Variants in CXCL13 observed in about 807,000 individuals in gnomAD.
The protein encoded by CXCL13 is C-X-C motif chemokine ligand 13.
A neutral mutation model predicts 12.2 loss-of-function variants in CXCL13; 7 were observed. That is an observed-to-expected ratio of 0.57 (90% CI 0.33 to 1.07). The LOEUF (loss-of-function observed/expected upper bound fraction) is 1.07, where lower values mean the gene tolerates loss of function less well. CXCL13 is among the 50% of genes least tolerant of loss of function. CXCL13 has a pLI of 0.04. For synonymous variants in CXCL13, 47 were observed against 42.4 expected, an observed-to-expected ratio of 1.11 and a Z score of -0.42; for missense variants, 113 against 127.4, an observed-to-expected ratio of 0.89 and a Z score of 0.55.
intron 1 of CXCL13, among the ~76,000 whole-genome samples, chr4:77,563,896 CGTT>C (rs1254880526): frequency 6.6e-6 from 1 of 152,070 alleles, no homozygotes; most frequent in Non-Finnish European, 1.5e-5. Flanking sequence ...AGGGAAAACT[CGTT>C]GTGTAAATGA....
At chr4:77,531,694 G>A (rs1724922773) in intron 1 of CXCL13, among the ~76,000 whole-genome samples, 1 of 152,062 alleles carries the variant, frequency 6.6e-6, no homozygotes, top group Non-Finnish European at 1.5e-5. Flanking sequence ...TCTCTTTCTA[G>A]GTCTCTAAGG....
At chr4:77,597,069 G>T (rs1726785000) in intron 1 of CXCL13, among the ~76,000 whole-genome samples, 1 of 152,098 alleles carries the variant, frequency 6.6e-6, no homozygotes, top group Non-Finnish European at 1.5e-5. Context: ...ACATAAAGAA[G>T]CATATTGCAT....
intron 1 of CXCL13, among the ~76,000 whole-genome samples, chr4:77,514,895 G>C (rs916287377): frequency 3.3e-5 from 5 of 152,172 alleles, no homozygotes; most frequent in African/African-American, 1.2e-4. Flanking sequence ...CCTATGTCCT[G>C]AATGGTAATG....
intron 1 of CXCL13, among the ~76,000 whole-genome samples, chr4:77,564,375 A>G (rs1021271579): frequency 3.3e-5 from 5 of 152,226 alleles, no homozygotes; most frequent in African/African-American, 1.2e-4. Flanking sequence ...TGGCTAAGAC[A>G]GCAAGTTTGA....
chr4:77,557,863 G>C (rs1342382521), intron 1 of CXCL13, among the ~76,000 whole-genome samples: 1 of 152,192 alleles, frequency 6.6e-6, no homozygotes, highest in Non-Finnish European at 1.5e-5. Context: ...ACTCACCCTG[G>C]TATGTGTACT....
At chr4:77,604,939 C>CT (rs539676373), upstream of CXCL13, among the ~76,000 whole-genome samples, 9 of 151,584 alleles carry the variant, frequency 5.9e-5, no homozygotes, top group African/African-American at 1.2e-4. Context: ...AGTCTACATA[C>CT]TTTTTTTTTA....
At chr4:77,552,720 G>T in intron 1 of CXCL13, among the ~76,000 whole-genome samples, 1 of 152,220 alleles carries the variant, frequency 6.6e-6, no homozygotes, top group East Asian at 1.9e-4. Context: ...CATGAAGCTG[G>T]GAAGCCTCCT....
intron 1 of CXCL13, among the ~76,000 whole-genome samples, chr4:77,571,108 G>A (rs1326364393): frequency 6.6e-6 from 1 of 152,018 alleles, no homozygotes; most frequent in African/African-American, 2.4e-5. Flanking sequence ...GATCCACTGG[G>A]TGAAGCCAGC....
At chr4:77,530,204 C>T (rs564216012) in intron 1 of CXCL13, among the ~76,000 whole-genome samples, 2 of 152,220 alleles carry the variant, frequency 1.3e-5, no homozygotes, top group African/African-American at 4.8e-5. Flanking sequence ...ATTTTTGCAT[C>T]GATGTTCATC....
chr4:77,590,968 C>T (rs1158488726), intron 1 of CXCL13, among the ~76,000 whole-genome samples: 2 of 152,136 alleles, frequency 1.3e-5, no homozygotes, highest in Non-Finnish European at 2.9e-5. Context: ...CAAGGTCTGC[C>T]TCCTGGGTTC....
intron 1 of CXCL13, among the ~76,000 whole-genome samples, chr4:77,519,176 G>A (rs988957848): frequency 6.6e-6 from 1 of 152,170 alleles, no homozygotes; most frequent in Non-Finnish European, 1.5e-5. Flanking sequence ...GGAGTACCTG[G>A]CCATGTGAGG....
At chr4:77,609,662 T>C (rs1392427693) in intron 2 of CXCL13, among the ~76,000 whole-genome samples, 2 of 152,206 alleles carry the variant, frequency 1.3e-5, no homozygotes, top group African/African-American at 4.8e-5. Context: ...TGTGTTTTGT[T>C]TGAGTTCACA....
At chr4:77,587,807 C>T (rs905084898) in intron 1 of CXCL13, among the ~76,000 whole-genome samples, 5 of 152,322 alleles carry the variant, frequency 3.3e-5, no homozygotes, top group Non-Finnish European at 7.3e-5. Flanking sequence ...GCAAGGATAA[C>T]GAGCGTGAAA....
intron 1 of CXCL13, among the ~76,000 whole-genome samples, chr4:77,544,862 G>C (rs1276682023): frequency 1.3e-5 from 2 of 152,130 alleles, no homozygotes; most frequent in Non-Finnish European, 2.9e-5. Context: ...TTTTCTTCTA[G>C]GGTTTTTATG....
rs555291999 is a variant in CXCL13, at chr4:77,538,583, T to G, written c.-43+26795T>G. ...TTGAAGAGAAAAAGATGATAGGGGCTTTGTGCTTTAGAGGTAGAAGAGGGT... is the reference window on the plus strand; with the variant it reads ...TTGAAGAGAAAAAGATGATAGGGGCGTTGTGCTTTAGAGGTAGAAGAGGGT... On this transcript the variant is annotated intron_variant, in intron 1 of 4. Coordinates refer to the CXCL13 transcript ENST00000286758. Among the ~76,000 whole-genome samples, 4 of 152,132 alleles carry G rather than the reference T, an allele frequency of 2.6e-5. 1 individual carries two copies. The South Asian group carries it at 8.3e-4, about 32-fold the overall frequency.
At chr4:77,596,389 A>C (rs1046857175) in intron 1 of CXCL13, among the ~76,000 whole-genome samples, 2 of 152,252 alleles carry the variant, frequency 1.3e-5, no homozygotes, top group African/African-American at 2.4e-5. Flanking sequence ...AAATTAGTAC[A>C]GTCATTTTGG....
chr4:77,548,384 T>C (rs1725427717), intron 1 of CXCL13, among the ~76,000 whole-genome samples: 1 of 152,222 alleles, frequency 6.6e-6, no homozygotes, highest in African/African-American at 2.4e-5. Context: ...ATGTGCAAGT[T>C]TAATGCACAG....
intron 1 of CXCL13, among the ~76,000 whole-genome samples, chr4:77,540,648 AT>A (rs1244656404): frequency 1.1e-4 from 16 of 152,040 alleles, no homozygotes; most frequent in Middle Eastern, 3.4e-3. Context: ...TATATACCAT[AT>A]TTTCTTCATA....
chr4:77,549,726 G>A lies in CXCL13; in HGVS notation c.-43+37938G>A, dbSNP rs528845122. Among the ~76,000 whole-genome samples the A allele has an allele frequency of 3.5e-4, 54 of 152,296 alleles. No homozygotes were observed. The South Asian group carries it at 0.01, about 29-fold the overall frequency. ...CCTCTGGAAGCTTCATCTCAGAGGG[G>A]CACCCAGCTGTATGAGGTGTCAGTC... On this transcript the variant is annotated intron_variant, in intron 1 of 4. Coordinates refer to the CXCL13 transcript ENST00000286758.
Sources: gnomAD v4.1 joint callset for allele counts (sites outside exome capture counted in the v4.1 genomes callset) on GRCh38, gnomAD v4.1.1 for gene constraint, MANE v1.5 for transcripts, NCBI Gene and HGNC (gene_info 2026-07-23, HGNC 2026-07-21) for gene names.